The following LHFPL6 variants were observed in gnomAD, a reference collection of about 807,000 sequenced individuals.
LHFPL6 encodes LHFPL tetraspan subfamily member 6 protein.
In LHFPL6, 9 loss-of-function variants were observed where a neutral mutation model predicts 20.6. That is an observed-to-expected ratio of 0.44 (90% CI 0.26 to 0.76). LHFPL6 has a LOEUF of 0.76. LHFPL6 is among the 30% of genes least tolerant of loss of function. LHFPL6 has a pLI of 0.20. For synonymous variants in LHFPL6, 105 were observed against 98.7 expected (o/e 1.06, Z -0.38); for missense variants, 218 against 253.5 (o/e 0.86, Z 0.95).
Position 39,343,757 on chromosome 13 carries a change from C to A in LHFPL6, c.*179G>T. On this transcript the variant is annotated 3_prime_UTR_variant, in exon 4 of 4. Coordinates refer to ENST00000379589, the MANE Select transcript of LHFPL6 (RefSeq NM_005780.3). ...TTCTATACTCTCCTTTTTTTTCCCCCACAAATCTCCTACAATCCTTCCTTC... is the reference window on the plus strand; with the variant it reads ...TTCTATACTCTCCTTTTTTTTCCCCAACAAATCTCCTACAATCCTTCCTTC... The A allele has an allele frequency of 1.8e-6, 1 of 566,106 alleles. No individual in the cohort carries two copies. Among genetic ancestry groups the A allele is most frequent in the Admixed American group, 3.0e-5 (1 of 33,116 alleles). The allele number at this position is 566,106 out of a possible 1,614,324, so 35.1% of individuals were successfully genotyped here.
chr13:39,548,560 G>C (rs998714816), intron 2 of LHFPL6, among the ~76,000 whole-genome samples: 1 of 151,708 alleles, frequency 6.6e-6, no homozygotes, highest in Non-Finnish European at 1.5e-5. Flanking sequence ...TTATTTCTTG[G>C]TTTAAAAAAA....
intron 2 of LHFPL6, among the ~76,000 whole-genome samples, chr13:39,471,556 G>C (rs144491820): frequency 3.3e-4 from 50 of 152,238 alleles, no homozygotes; most frequent in African/African-American, 1.1e-3. Flanking sequence ...ATCCCTCAAG[G>C]AATCTCTGCA....
chr13:39,344,987 C>G (rs1302379592), intron 3 of LHFPL6, among the ~76,000 whole-genome samples: 2 of 152,136 alleles, frequency 1.3e-5, no homozygotes, highest in Admixed American at 1.3e-4. Flanking sequence ...TAATGACATC[C>G]AAGTTATTCT....
chr13:39,569,144 T>C (rs72623304), intron 2 of LHFPL6, among the ~76,000 whole-genome samples: 597 of 29,862 alleles, frequency 0.02, 10 homozygotes, highest in African/African-American at 0.046. Flanking sequence ...GATGGATGGA[T>C]GGATGGACGG....
intron 2 of LHFPL6, among the ~76,000 whole-genome samples, chr13:39,553,695 G>A (rs1258907104): frequency 6.6e-6 from 1 of 152,222 alleles, no homozygotes; most frequent in Non-Finnish European, 1.5e-5. Flanking sequence ...CTGGGTGACA[G>A]AGCAAGACCT....
chr13:39,397,865 C>T (rs569500609), intron 2 of LHFPL6, among the ~76,000 whole-genome samples: 31 of 152,092 alleles, frequency 2.0e-4, no homozygotes, highest in East Asian at 5.8e-4. Flanking sequence ...TATTTAGAGC[C>T]GTAACTAATG....
intron 2 of LHFPL6, among the ~76,000 whole-genome samples, chr13:39,388,704 T>A (rs1870629384): frequency 6.6e-6 from 1 of 152,150 alleles, no homozygotes; most frequent in African/African-American, 2.4e-5. Flanking sequence ...GGATGCACAG[T>A]GTTGTGGGAG....
At chr13:39,545,801 T>G (rs1344944385) in intron 2 of LHFPL6, among the ~76,000 whole-genome samples, 1 of 152,104 alleles carries the variant, frequency 6.6e-6, no homozygotes, top group African/African-American at 2.4e-5. Context: ...CTGGGCAAGG[T>G]GGCTCACACC....
Position 39,369,914 on chromosome 13 carries a change from A to C in LHFPL6, c.484+8514T>G, listed in dbSNP as rs571455730. Among the ~76,000 whole-genome samples the C allele has an allele frequency of 1.4e-3, 206 of 152,252 alleles. 1 individual carries two copies. The highest frequency in any genetic ancestry group is 4.8e-3 in the African/African-American group (201 of 41,562). ...GATCAAATTGAATCTATGATTGTACAGAGTGGGGTCCTTTTTCCCAAAGCA... is the reference window on the plus strand; with the variant it reads ...GATCAAATTGAATCTATGATTGTACCGAGTGGGGTCCTTTTTCCCAAAGCA... On this transcript the variant is annotated intron_variant, in intron 3 of 3. Transcript: ENST00000379589.
chr13:39,431,115 G>T (rs1871786321), intron 2 of LHFPL6, among the ~76,000 whole-genome samples: 1 of 152,112 alleles, frequency 6.6e-6, no homozygotes, highest in South Asian at 2.1e-4. Flanking sequence ...CACTCACTGG[G>T]AAGGTCTGCT....
At chr13:39,595,078 T>C (rs571491087) in intron 2 of LHFPL6, among the ~76,000 whole-genome samples, 258 of 152,258 alleles carry the variant, frequency 1.7e-3, no homozygotes, top group African/African-American at 5.7e-3. Flanking sequence ...GTAACAAACC[T>C]GCACGTTGTG....
intron 2 of LHFPL6, among the ~76,000 whole-genome samples, chr13:39,401,923 T>C (rs963227434): frequency 6.6e-6 from 1 of 152,146 alleles, no homozygotes; most frequent in African/African-American, 2.4e-5. Context: ...AAATGAACAA[T>C]GGGTTATTTA....
intron 2 of LHFPL6, among the ~76,000 whole-genome samples, chr13:39,390,953 C>T (rs551014212): frequency 2.2e-4 from 33 of 152,156 alleles, no homozygotes; most frequent in Admixed American, 3.3e-4. Context: ...GCTGAGATCG[C>T]GCCACTGCGC....
intron 2 of LHFPL6, among the ~76,000 whole-genome samples, chr13:39,525,746 AT>A (rs925899195): frequency 2.1e-4 from 32 of 152,340 alleles, no homozygotes; most frequent in South Asian, 1.4e-3. Context: ...TTTTAAGCTC[AT>A]CCACTAGGAA....
At chr13:39,500,813 A>G (rs931977317) in intron 2 of LHFPL6, among the ~76,000 whole-genome samples, 1 of 152,190 alleles carries the variant, frequency 6.6e-6, no homozygotes, top group African/African-American at 2.4e-5. Context: ...CAAACCCAGT[A>G]TTTCACATAG....
intron 2 of LHFPL6, among the ~76,000 whole-genome samples, chr13:39,525,976 T>C (rs1257331426): frequency 6.6e-6 from 1 of 151,996 alleles, no homozygotes; most frequent in Non-Finnish European, 1.5e-5. Context: ...CACTAACCCA[T>C]AACAAAAGCA....
At chr13:39,601,823 G>C (rs889219123) in intron 1 of LHFPL6, among the ~76,000 whole-genome samples, 2 of 152,044 alleles carry the variant, frequency 1.3e-5, no homozygotes, top group African/African-American at 4.8e-5. Flanking sequence ...TCCCTTTAAG[G>C]GTGCATTAAC....
chr13:39,566,731 T>TAAAAAA (rs3035077), intron 2 of LHFPL6, among the ~76,000 whole-genome samples: 5 of 70,076 alleles, frequency 7.1e-5, no homozygotes, highest in Admixed American at 2.0e-4. Context: ...AGACCCTGTC[T>TAAAAAA]AAAAAAAAAA....
At chr13:39,380,373 G>T (rs1446809168) in intron 2 of LHFPL6, among the ~76,000 whole-genome samples, 2 of 152,252 alleles carry the variant, frequency 1.3e-5, no homozygotes, top group East Asian at 3.9e-4. Flanking sequence ...TGGGTCCATG[G>T]TCTGTTAGGA....
Sources: allele counts gnomAD v4.1 joint callset (sites outside exome capture counted in the v4.1 genomes callset), GRCh38; gene constraint gnomAD v4.1.1; transcripts MANE v1.5; gene names NCBI Gene and HGNC (gene_info 2026-07-23, HGNC 2026-07-21).